ATP11A: variants seen among roughly 807,000 people sequenced by gnomAD.
ATP11A encodes the protein phospholipid-transporting ATPase IH.
A neutral mutation model predicts 154.4 loss-of-function variants in ATP11A; 81 were observed. That is an observed-to-expected ratio of 0.52 (90% CI 0.44 to 0.63). ATP11A has a LOEUF of 0.63. ATP11A is among the 30% of genes least tolerant of loss of function. The pLI is 0.00. For missense variants in ATP11A, 1,316 were observed against 1,474.3 expected, an observed-to-expected ratio of 0.89 and a Z score of 1.76; for synonymous variants, 623 against 585.9, an observed-to-expected ratio of 1.06 and a Z score of -0.91.
intron 18 of ATP11A, among the ~76,000 whole-genome samples, chr13:112,852,798 C>T (rs1015044568): frequency 4.0e-5 from 6 of 149,074 alleles, no homozygotes; most frequent in Non-Finnish European, 7.5e-5. Context: ...GGGGGGATCT[C>T]AGTGGCTTTT....
chr13:112,774,926 T>TC (rs531761304), intron 1 of ATP11A, among the ~76,000 whole-genome samples: 10 of 151,640 alleles, frequency 6.6e-5, no homozygotes, highest in African/African-American at 2.4e-4. Flanking sequence ...CCTCCCACCT[T>TC]CCCCCGTCAC....
intron 6 of ATP11A, 61 bp downstream of exon 6, chr13:112,816,272 C>T: frequency 6.2e-7 from 1 of 1,600,878 alleles, no homozygotes; most frequent in East Asian, 2.3e-5. Flanking sequence ...CGGACTGTGC[C>T]CATGCGGCCA....
intron 2 of ATP11A, among the ~76,000 whole-genome samples, chr13:112,798,235 A>G (rs977705837): frequency 5.9e-5 from 9 of 152,254 alleles, no homozygotes; most frequent in Admixed American, 6.5e-5. Flanking sequence ...TGGAGGGGAC[A>G]CATTCAAACC....
intron 6 of ATP11A, among the ~76,000 whole-genome samples, chr13:112,816,540 C>A (rs879467647): frequency 6.6e-6 from 1 of 152,198 alleles, no homozygotes; most frequent in Admixed American, 6.5e-5. Context: ...TCCCCTGGCA[C>A]CCATGCAGGA....
In ATP11A at chr13:112,859,590, A is replaced by T; in HGVS notation, c.2727+138A>T. ...CGAGGGAGCCAGGGTGCCCAGCAGCAGGCGGGGGTGAAGGGTCGGGCCTGG... is the reference window on the plus strand; with the variant it reads ...CGAGGGAGCCAGGGTGCCCAGCAGCTGGCGGGGGTGAAGGGTCGGGCCTGG... On this transcript the variant is annotated intron_variant, in intron 23 of 29. Coordinates refer to ENST00000375645, the MANE Select transcript of ATP11A (RefSeq NM_015205.3). The surrounding 1 kb of genome is among the most constrained non-coding windows in gnomAD (Gnocchi z 4.3). 123 of 591,024 alleles carry T rather than the reference A, an allele frequency of 2.1e-4. No individual in the cohort carries two copies. Among genetic ancestry groups the T allele is most frequent in the Non-Finnish European group, 2.7e-4 (87 of 317,338 alleles). 36.6% of individuals were successfully genotyped at this position (591,024 alleles called of 1,614,324 possible).
At chr13:112,787,359 T>C (rs1358111127) in intron 2 of ATP11A, among the ~76,000 whole-genome samples, 2 of 129,652 alleles carry the variant, frequency 1.5e-5, no homozygotes, top group East Asian at 2.3e-4. Context: ...GGTGTCCTGA[T>C]GCGTAGACTC....
At chr13:112,828,169 G>T (rs78910065) in intron 12 of ATP11A, among the ~76,000 whole-genome samples, 2,836 of 30,202 alleles carry the variant, frequency 0.094, 47 homozygotes, top group Middle Eastern at 0.14. Flanking sequence ...AGCGTTGAGT[G>T]GGGGGAAAGC....
chr13:112,858,637 C>T (rs893147550), intron 22 of ATP11A: 33 of 206,968 alleles, frequency 1.6e-4, no homozygotes, highest in African/African-American at 3.2e-4. Context: ...TCCCTTTGTC[C>T]GGTGTGCCGA....
rs185891652 is a variant in ATP11A at position 112,772,820 on chromosome 13, T to C, written c.40-12315T>C. The stretch of plus-strand genomic sequence containing the variant: ...CCCTGGTGACTAAGGGTGCTCTGCG[T>C]CCTCTCCTGGGCTTGTTGGCCATTT... On this transcript the variant is annotated intron_variant, in intron 1 of 29. Transcript: ENST00000375645. 1.5e-3 allele frequency among the ~76,000 whole-genome samples: 230 copies of C among 152,382 alleles called. 1 individual carries two copies. The highest frequency in any genetic ancestry group is 5.3e-3 in the African/African-American group (220 of 41,596).
In ATP11A at chr13:112,784,447, C is replaced by T. The variant is rs1181825742; in HGVS notation, c.40-688C>T. ...TACCCCAGTATCATAGTTTTTCTTTCCTCTTCCATTAAAGACCTTTCCCAA... is the reference window on the plus strand; with the variant it reads ...TACCCCAGTATCATAGTTTTTCTTTTCTCTTCCATTAAAGACCTTTCCCAA... On this transcript the variant is annotated intron_variant, in intron 1 of 29. Transcript: ENST00000375645. Among the ~76,000 whole-genome samples, 9 of 152,278 alleles carry T rather than the reference C, an allele frequency of 5.9e-5. No individual in the cohort carries two copies. In the South Asian group the frequency reaches 1.5e-3, roughly 25 times the overall value.
At chr13:112,761,386 C>T (rs1029344455) in intron 1 of ATP11A, among the ~76,000 whole-genome samples, 15 of 152,350 alleles carry the variant, frequency 9.8e-5, no homozygotes, top group Non-Finnish European at 1.8e-4. Context: ...GGAATCTTCT[C>T]TCTGTGAAAC....
At chr13:112,817,361 T>C (rs1192069711) in intron 6 of ATP11A, among the ~76,000 whole-genome samples, 2 of 152,230 alleles carry the variant, frequency 1.3e-5, no homozygotes, top group Non-Finnish European at 2.9e-5. Flanking sequence ...CATGAATTGA[T>C]AGATGAAAAA....
intron 17 of ATP11A, among the ~76,000 whole-genome samples, chr13:112,843,062 T>A (rs997782206): frequency 8.6e-5 from 13 of 151,450 alleles, no homozygotes; most frequent in African/African-American, 3.2e-4. Flanking sequence ...CTCCGGGTGA[T>A]GCGTGGCTGG....
In ATP11A at chr13:112,834,575, C is replaced by A; in HGVS notation, c.1560-14C>A. The A allele has an allele frequency of 6.3e-7, 1 of 1,598,718 alleles. No homozygotes were observed. The highest frequency in any genetic ancestry group is 1.1e-5 in the South Asian group (1 of 90,660). On this transcript the variant is annotated splice_polypyrimidine_tract_variant and intron_variant, in intron 14 of 29. Transcript: ENST00000375645. ...AATCTCAGATTCACCCCGAGGTTTC[C>A]CTTCTCATTGCAGACTTGGCTTTAC...
chr13:112,702,576 GTTGTGCGTGCGTCTCTCTGGGTGGCC>G, intron 1 of ATP11A, among the ~76,000 whole-genome samples: 1 of 152,328 alleles, frequency 6.6e-6, no homozygotes, highest in African/African-American at 2.4e-5. Flanking sequence ...TGTCTGCTGT[GTTGTGCGTGCGTCTCTCTGGGTGGCC>G]TTGGCCGGGC....
At chr13:112,759,263 C>T (rs2076912215) in intron 1 of ATP11A, among the ~76,000 whole-genome samples, 1 of 152,298 alleles carries the variant, frequency 6.6e-6, no homozygotes, top group African/African-American at 2.4e-5. Context: ...TGGTGAGGTT[C>T]TTCCTGTTGC....
intron 3 of ATP11A, 120 bp from the exon 4 acceptor site, chr13:112,806,093 C>T (rs893140627): frequency 2.5e-5 from 17 of 673,438 alleles, no homozygotes; most frequent in Middle Eastern, 3.4e-4. Context: ...AGTCAGGTGC[C>T]AGCAAAGGTC....
chr13:112,820,522 G>A (rs938514230), intron 8 of ATP11A, among the ~76,000 whole-genome samples: 3 of 152,116 alleles, frequency 2.0e-5, no homozygotes, highest in Non-Finnish European at 4.4e-5. Context: ...CAGTCACATC[G>A]CATACCCATG....
At chr13:112,779,114 A>C (rs1439504444) in intron 1 of ATP11A, among the ~76,000 whole-genome samples, 1 of 74,226 alleles carries the variant, frequency 1.3e-5, no homozygotes, top group African/African-American at 6.2e-5. Context: ...GTGAGTAGCC[A>C]CTGGAGTGAG....
Sources: gnomAD v4.1 joint callset for allele counts (sites outside exome capture counted in the v4.1 genomes callset) on GRCh38, gnomAD v4.1.1 for gene constraint, Gnocchi (gnomAD v3.1) non-coding constraint, MANE v1.5 for transcripts, NCBI Gene and HGNC (gene_info 2026-07-23, HGNC 2026-07-21) for gene names.